Variants in SMCHD1 observed in about 807,000 individuals in gnomAD.
SMCHD1 encodes the protein structural maintenance of chromosomes flexible hinge domain-containing protein 1.
In SMCHD1, 78 loss-of-function variants were observed where a neutral mutation model predicts 254.7. The ratio of observed to expected loss-of-function variants is 0.31; its 90% CI spans 0.26 to 0.37. The LOEUF (loss-of-function observed/expected upper bound fraction) is 0.37, where lower values mean the gene tolerates loss of function less well. SMCHD1 is among the 10% of genes least tolerant of loss of function. SMCHD1 has a pLI of 1.00. For missense variants in SMCHD1, 1,840 were observed against 2,408.1 expected (o/e 0.76, Z 4.94); for synonymous variants, 766 against 794.9 (o/e 0.96, Z 0.61).
chr18:2,770,174 A>G (rs1383655357), intron 39 of SMCHD1, 66 bp downstream of exon 39: 20 of 1,492,940 alleles, frequency 1.3e-5, no homozygotes, highest in Non-Finnish European at 1.8e-5. Context: ...TGAGATCGTG[A>G]TACACAAACA....
intron 34 of SMCHD1, among the ~76,000 whole-genome samples, chr18:2,753,413 C>G (rs4798024): frequency 0.3 from 46,051 of 152,044 alleles, 7,172 homozygotes; most frequent in East Asian, 0.5. Context: ...TACAAATAAT[C>G]TTTATAACAC....
In SMCHD1 at chr18:2,778,174, G is replaced by A; in HGVS notation, c.5482G>A (p.Gly1828Ser). The A allele has an allele frequency of 6.2e-7, 1 of 1,601,652 alleles. No homozygotes were observed. Among genetic ancestry groups the A allele is most frequent in the Non-Finnish European group, 8.5e-7 (1 of 1,172,930 alleles). ...TCATTTATTGACTTTTTTAGTATTT[G>A]GTATGCTGTTAGGAGACACCATTAT... The part of the protein sequence containing the change: ...DNVEHCETVF[G>S]MLLGDTIILD... The change falls in exon 44 of 48, where the codon GGT (glycine) becomes AGT (serine). Residue 1828 changes from glycine (G) to serine (S), a missense_variant. Gly to Ser is a moderately conservative substitution (Grantham distance 56). This residue lies in a region of SMCHD1 where 114 missense variants were observed against 217.6 expected (regional missense o/e 0.52). Coordinates refer to ENST00000320876, the MANE Select transcript of SMCHD1 (RefSeq NM_015295.3).
chr18:2,777,343 A>G (rs2076085055), intron 42 of SMCHD1, among the ~76,000 whole-genome samples: 2 of 152,170 alleles, frequency 1.3e-5, no homozygotes, highest in Admixed American at 6.5e-5. Flanking sequence ...TTCCATTGTT[A>G]TCATCTACTG....
intron 30 of SMCHD1, among the ~76,000 whole-genome samples, chr18:2,749,353 T>C (rs976013612): frequency 6.6e-6 from 1 of 152,242 alleles, no homozygotes; most frequent in Non-Finnish European, 1.5e-5. Flanking sequence ...ATTTTTCTTC[T>C]ACTGTGGTCT....
intron 7 of SMCHD1, among the ~76,000 whole-genome samples, chr18:2,690,958 GA>G (rs34253034): frequency 0.94 from 125,830 of 134,132 alleles, 59,070 homozygotes; most frequent in East Asian, 0.99. Flanking sequence ...TTTGATAATT[GA>G]AAAAAAAAAA....
At chr18:2,720,354 CTTCCT>C (rs2074898362) in intron 19 of SMCHD1, among the ~76,000 whole-genome samples, 1 of 152,202 alleles carries the variant, frequency 6.6e-6, no homozygotes, top group African/African-American at 2.4e-5. Flanking sequence ...TAAGCATTCT[CTTCCT>C]ACTTCATGAA....
chr18:2,788,593 ATTCAT>A (rs1246739200), intron 45 of SMCHD1, among the ~76,000 whole-genome samples: 1 of 151,852 alleles, frequency 6.6e-6, no homozygotes, highest in African/African-American at 2.4e-5. Flanking sequence ...TGTTTTTAAT[ATTCAT>A]TTATTTTATT....
intron 41 of SMCHD1, among the ~76,000 whole-genome samples, chr18:2,773,942 A>G (rs1486117459): frequency 6.6e-6 from 1 of 152,166 alleles, no homozygotes; most frequent in Non-Finnish European, 1.5e-5. Context: ...AAAAAACCCT[A>G]GAATAAATAA....
At chr18:2,682,031 G>A (rs192496941) in intron 5 of SMCHD1, among the ~76,000 whole-genome samples, 235 of 152,314 alleles carry the variant, frequency 1.5e-3, no homozygotes, top group African/African-American at 5.5e-3. Context: ...TTACTTGAAT[G>A]TTGGGAATAC....
At chr18:2,712,182 T>C (rs601751) in intron 17 of SMCHD1, among the ~76,000 whole-genome samples, 14 of 152,166 alleles carry the variant, frequency 9.2e-5, no homozygotes, top group Non-Finnish European at 8.8e-5. Flanking sequence ...TTGTTGAGAA[T>C]TTTTGCATCA....
rs1328478195 is a variant in SMCHD1 at position 2,770,049 on chromosome 18, C to G, written c.4907C>G (p.Ser1636Cys). The change falls in exon 39 of 48, where the codon TCT becomes TGT. Residue 1636 changes from serine to cysteine, a missense_variant. Around this residue, in one of 9 missense-constraint regions of SMCHD1, gnomAD observed 881 missense variants for 1,009.5 expected, o/e 0.87. Transcript: ENST00000320876. ...AAAGAAAAGGACCAATTATCTCAGT[C>G]TATTGTTATGTATAAAAGTTTATTT... The part of the protein sequence containing the change: ...LTKEKDQLSQ[S>C]IVMYKSLFEA... 1 of 1,605,032 alleles carries G rather than the reference C, an allele frequency of 6.2e-7. No homozygotes were observed. The highest frequency in any genetic ancestry group is 8.5e-7 in the Non-Finnish European group (1 of 1,177,678).
chr18:2,668,686 C>T (rs1193430486), intron 3 of SMCHD1, among the ~76,000 whole-genome samples: 1 of 152,112 alleles, frequency 6.6e-6, no homozygotes, highest in African/African-American at 2.4e-5. Context: ...TGAATGCATT[C>T]GCTATTAGCA....
chr18:2,706,957 G>A (rs1171668493), intron 15 of SMCHD1, among the ~76,000 whole-genome samples: 1 of 152,236 alleles, frequency 6.6e-6, no homozygotes, highest in African/African-American at 2.4e-5. Flanking sequence ...TTACATGGGC[G>A]GCAGAAGAGA....
chr18:2,695,256 A>G (rs1011922416), intron 8 of SMCHD1, among the ~76,000 whole-genome samples: 6 of 152,000 alleles, frequency 3.9e-5, no homozygotes, highest in African/African-American at 9.7e-5. Context: ...TAGGGACTCT[A>G]TATTCCATTA....
chr18:2,796,146 A>G, intron 46 of SMCHD1, 39 bp downstream of exon 46: 1 of 1,413,892 alleles, frequency 7.1e-7, no homozygotes, highest in Middle Eastern at 2.0e-4. Context: ...CTTTCTTTAT[A>G]TGGAGATAAA....
intron 41 of SMCHD1, among the ~76,000 whole-genome samples, chr18:2,773,097 A>G (rs1406564757): frequency 6.6e-6 from 1 of 152,240 alleles, no homozygotes; most frequent in Non-Finnish European, 1.5e-5. Context: ...ATAACTTCAC[A>G]AATATACTGT....
chr18:2,773,233 A>G (rs1598430645), intron 41 of SMCHD1, among the ~76,000 whole-genome samples: 2 of 152,342 alleles, frequency 1.3e-5, no homozygotes, highest in South Asian at 2.1e-4. Context: ...AAATTTATGT[A>G]TTAGGAAACA....
intron 47 of SMCHD1, among the ~76,000 whole-genome samples, chr18:2,797,022 C>G (rs1483050803): frequency 1.3e-5 from 2 of 152,148 alleles, no homozygotes; most frequent in Non-Finnish European, 2.9e-5. Context: ...ACTCAATCTT[C>G]TAAATAACTT....
intron 22 of SMCHD1, chr18:2,726,778 G>C (rs2075035014): frequency 4.7e-6 from 1 of 212,466 alleles, no homozygotes; most frequent in Non-Finnish European, 9.2e-6. Context: ...ACTGTTTCTT[G>C]GAATATGTCT....
Sources: gnomAD v4.1 joint callset for allele counts (sites outside exome capture counted in the v4.1 genomes callset) on GRCh38, gnomAD v4.1.1 for gene constraint, gnomAD v4.1.1 regional missense constraint, MANE v1.5 for transcripts, NCBI Gene and HGNC (gene_info 2026-07-23, HGNC 2026-07-21) for gene names.